The following WWOX variants were observed in gnomAD, a reference collection of about 807,000 sequenced individuals.
The protein encoded by WWOX is WW domain containing oxidoreductase.
WWOX carries 69 observed loss-of-function variants against 46.2 expected under a neutral mutation model. That is an observed-to-expected ratio of 1.49 (90% CI 1.23 to 1.82). The LOEUF is 1.82. Ranked by LOEUF, WWOX falls within the 40% of genes most tolerant of loss-of-function variation. The probability of loss-of-function intolerance (pLI) is 0.00; values close to 1 mark genes in which losing one functional copy is unlikely to be tolerated. For synonymous variants in WWOX, 359 were observed against 202.6 expected, an observed-to-expected ratio of 1.77 and a Z score of -6.56; for missense variants, 919 against 542.6, an observed-to-expected ratio of 1.69 and a Z score of -6.89.
intron 8 of WWOX, among the ~76,000 whole-genome samples, chr16:78,696,309 C>T (rs2048098283): frequency 6.6e-6 from 1 of 152,162 alleles, no homozygotes; most frequent in African/African-American, 2.4e-5. Context: ...GTGATAGCAG[C>T]TGAGATTTAG....
In WWOX at chr16:78,305,567, C is replaced by T. The variant is rs533065125; in HGVS notation, c.517-81293C>T. ...ACTGATTAAAAAGCCCCAGACCATT[C>T]CCGTTCCAGTCATCTTGAAACTGAG... On this transcript the variant is annotated intron_variant, in intron 5 of 8. Transcript: ENST00000566780. Among the ~76,000 whole-genome samples, 6 of 152,204 alleles carry T rather than the reference C, an allele frequency of 3.9e-5. No homozygotes were observed. The East Asian group carries it at 1.2e-3, about 30-fold the overall frequency.
At chr16:78,182,691 G>T (rs1010986431) in intron 5 of WWOX, among the ~76,000 whole-genome samples, 1 of 151,934 alleles carries the variant, frequency 6.6e-6, no homozygotes, top group African/African-American at 2.4e-5. Context: ...GGTGGCTCAC[G>T]CCTGTAATCC....
chr16:79,176,036 C>T (rs1415928870), intron 8 of WWOX, among the ~76,000 whole-genome samples: 1 of 152,182 alleles, frequency 6.6e-6, no homozygotes, highest in Non-Finnish European at 1.5e-5. Flanking sequence ...TTCCCTTTGT[C>T]TCCATTCCCT....
intron 8 of WWOX, among the ~76,000 whole-genome samples, chr16:79,108,615 T>C (rs1311388943): frequency 1.3e-5 from 2 of 152,214 alleles, no homozygotes; most frequent in African/African-American, 2.4e-5. Context: ...AAATTTTCCA[T>C]AGTTATTCGG....
At chr16:78,671,309 C>T (rs1213034393) in intron 8 of WWOX, among the ~76,000 whole-genome samples, 1 of 152,140 alleles carries the variant, frequency 6.6e-6, no homozygotes, top group Non-Finnish European at 1.5e-5. Context: ...CCTGTAGTCC[C>T]AGCTACTTGG....
chr16:79,144,680 A>G (rs1347874805), intron 8 of WWOX, among the ~76,000 whole-genome samples: 1 of 152,090 alleles, frequency 6.6e-6, no homozygotes, highest in Non-Finnish European at 1.5e-5. Flanking sequence ...TCTCTCTTAG[A>G]TTCTTATATA....
At position 79,212,171 on chromosome 16, in the gene WWOX, C is replaced by A; in HGVS notation, c.*375C>A. On this transcript the variant is annotated 3_prime_UTR_variant, in exon 9 of 9. Transcript: ENST00000566780. ...CCCATCCAGCTACCACCACGGCCAC[C>A]ACTGCAGCCGGGGGCTGGCCTTCTC... 1 of 1,482,452 alleles carries A rather than the reference C, an allele frequency of 6.7e-7. No individual in the cohort carries two copies. The highest frequency in any genetic ancestry group is 8.9e-7 in the Non-Finnish European group (1 of 1,125,482). 91.8% of individuals were successfully genotyped at this position (1,482,452 alleles called of 1,614,324 possible).
intron 5 of WWOX, among the ~76,000 whole-genome samples, chr16:78,193,970 C>T (rs897161152): frequency 3.3e-5 from 5 of 151,664 alleles, no homozygotes; most frequent in South Asian, 2.1e-4. Flanking sequence ...CTCCGCCTCC[C>T]GGGTTCCTGC....
chr16:78,741,671 A>T (rs985986317), intron 8 of WWOX, among the ~76,000 whole-genome samples: 1 of 152,114 alleles, frequency 6.6e-6, no homozygotes, highest in Non-Finnish European at 1.5e-5. Context: ...GCTGGCCAAC[A>T]TGGCAAAACC....
intron 5 of WWOX, among the ~76,000 whole-genome samples, chr16:78,199,393 T>C (rs2036160779): frequency 6.6e-6 from 1 of 152,112 alleles, no homozygotes; most frequent in Non-Finnish European, 1.5e-5. Context: ...GGATTGACTG[T>C]AAAATATGAG....
chr16:78,725,007 C>G (rs887564299), intron 8 of WWOX, among the ~76,000 whole-genome samples: 3 of 152,072 alleles, frequency 2.0e-5, no homozygotes, highest in Admixed American at 2.0e-4. Context: ...TGTCCCCACC[C>G]AAATCTCATC....
intron 5 of WWOX, chr16:78,267,064 C>CTTA (rs2079381684): frequency 6.1e-6 from 1 of 162,822 alleles, no homozygotes; most frequent in Non-Finnish European, 1.3e-5. Flanking sequence ...TTTTCTCTTG[C>CTTA]CACCAGCATG....
At chr16:78,416,240 G>C (rs765357184) in intron 6 of WWOX, among the ~76,000 whole-genome samples, 3 of 152,118 alleles carry the variant, frequency 2.0e-5, no homozygotes, top group East Asian at 1.9e-4. Flanking sequence ...CATCATCTCA[G>C]AGCCTTTTGA....
chr16:78,757,953 G>A (rs994141402), intron 8 of WWOX, among the ~76,000 whole-genome samples: 3 of 151,964 alleles, frequency 2.0e-5, no homozygotes, highest in Non-Finnish European at 2.9e-5. Flanking sequence ...ATGAGTTTGG[G>A]GGGACACATT....
chr16:78,698,054 A>G (rs1303774252), intron 8 of WWOX, among the ~76,000 whole-genome samples: 1 of 152,218 alleles, frequency 6.6e-6, no homozygotes, highest in Admixed American at 6.5e-5. Context: ...TATAAATGCT[A>G]CTTAAAATGA....
chr16:78,941,701 A>G (rs1178003105), intron 8 of WWOX, among the ~76,000 whole-genome samples: 1 of 152,156 alleles, frequency 6.6e-6, no homozygotes, highest in Non-Finnish European at 1.5e-5. Flanking sequence ...GAAAGAAGAA[A>G]TTCTCAGGTT....
At chr16:78,621,646 C>G (rs1438605257) in intron 8 of WWOX, among the ~76,000 whole-genome samples, 3 of 81,154 alleles carry the variant, frequency 3.7e-5, no homozygotes, top group South Asian at 4.2e-4. Context: ...GCTCTGTTGT[C>G]TAGGCTGGAG....
At chr16:78,769,994 T>C (rs1033906916) in intron 8 of WWOX, among the ~76,000 whole-genome samples, 41 of 152,120 alleles carry the variant, frequency 2.7e-4, no homozygotes, top group African/African-American at 8.9e-4. Flanking sequence ...CTGTGAGCTA[T>C]GATCTCACCT....
At chr16:78,593,936 A>G (rs993920577) in intron 8 of WWOX, among the ~76,000 whole-genome samples, 1 of 152,118 alleles carries the variant, frequency 6.6e-6, no homozygotes, top group African/African-American at 2.4e-5. Flanking sequence ...GAGGAGGATG[A>G]CCTTAGTTTG....
Sources: gnomAD v4.1 joint callset for allele counts (sites outside exome capture counted in the v4.1 genomes callset) on GRCh38, gnomAD v4.1.1 for gene constraint, MANE v1.5 for transcripts, NCBI Gene and HGNC (gene_info 2026-07-23, HGNC 2026-07-21) for gene names.